The following CD82 variants were observed in gnomAD, a reference collection of about 807,000 sequenced individuals.
The protein encoded by CD82 is CD82 molecule.
A neutral mutation model predicts 37.4 loss-of-function variants in CD82; 36 were observed. The ratio of observed to expected loss-of-function variants is 0.96; its 90% CI spans 0.74 to 1.27. The LOEUF (loss-of-function observed/expected upper bound fraction) is 1.27. Ranked by LOEUF, CD82 falls within the 50% of genes most tolerant of loss-of-function variation. The probability of loss-of-function intolerance (pLI) is 0.00; values close to 1 mark genes in which losing one functional copy is unlikely to be tolerated. For missense variants in CD82, 340 were observed against 347.0 expected (o/e 0.98, Z 0.16); for synonymous variants, 158 against 137.4 (o/e 1.15, Z -1.05).
intron 8 of CD82, 88 bp downstream of exon 8, chr11:44,618,453 A>C (rs1388552149): frequency 4.9e-6 from 6 of 1,227,640 alleles, no homozygotes; most frequent in Non-Finnish European, 3.5e-6. Flanking sequence ...TCCTGCATTT[A>C]GTTCCTTCCC....
intron 1 of CD82, among the ~76,000 whole-genome samples, chr11:44,573,974 T>C (rs766513385): frequency 2.1e-4 from 32 of 152,192 alleles, no homozygotes; most frequent in Non-Finnish European, 4.3e-4. Flanking sequence ...GTGGTGATGA[T>C]GAGCAAAGGC....
intron 1 of CD82, among the ~76,000 whole-genome samples, chr11:44,572,418 CAT>C (rs1852826934): frequency 6.6e-6 from 1 of 152,336 alleles, no homozygotes; most frequent in East Asian, 1.9e-4. Flanking sequence ...CTATAAAAAA[CAT>C]ACCACACATA....
intron 6 of CD82, among the ~76,000 whole-genome samples, chr11:44,612,030 C>T (rs1002113652): frequency 6.6e-6 from 1 of 152,194 alleles, no homozygotes; most frequent in Non-Finnish European, 1.5e-5. Context: ...CAGCTTTCCG[C>T]ACAGATGCTT....
At chr11:44,586,669 T>C (rs1853059771) in intron 1 of CD82, among the ~76,000 whole-genome samples, 1 of 152,054 alleles carries the variant, frequency 6.6e-6, no homozygotes, top group African/African-American at 2.4e-5. Context: ...TCAACAAATA[T>C]ATACATTTTA....
Position 44,605,160 on chromosome 11 carries a change from A to C in CD82, c.239A>C (p.Glu80Ala). The C allele has an allele frequency of 6.2e-7, 1 of 1,614,098 alleles. No individual in the cohort carries two copies. The highest frequency in any genetic ancestry group is 8.5e-7 in the Non-Finnish European group (1 of 1,180,014). Residue 80 changes from glutamate (E) to alanine (A), a missense_variant, in exon 5 of 10, where the codon GAG (glutamate) becomes GCG (alanine). Glu to Ala is a moderately radical substitution (Grantham distance 107). Coordinates refer to ENST00000227155, the MANE Select transcript of CD82 (RefSeq NM_002231.4). ...GFLGCIGAVN[E>A]VRCLLGLYFA... ...CTGGGCTGCATCGGCGCCGTCAACG[A>C]GGTCCGCTGCCTGCTGGGGCTGGTG... is the stretch of plus-strand genomic sequence containing the variant.
chr11:44,610,611 C>T lies in CD82; in HGVS notation c.337-4661C>T, dbSNP rs375666694. Among the ~76,000 whole-genome samples the T allele has an allele frequency of 5.0e-3, 754 of 151,720 alleles. 4 individuals carry two copies. Among genetic ancestry groups the T allele is most frequent in the African/African-American group, 0.017 (693 of 41,352 alleles). On this transcript the variant is annotated intron_variant, in intron 6 of 9. Coordinates refer to ENST00000227155, the MANE Select transcript of CD82 (RefSeq NM_002231.4). The stretch of plus-strand genomic sequence containing the variant: ...CATGGGGAGGCCCTGGGCAGCTTGC[C>T]GAGGCTAAGATCCCGGGTCCCTGGA...
At chr11:44,577,317 G>C (rs1439810550) in intron 1 of CD82, among the ~76,000 whole-genome samples, 1 of 152,166 alleles carries the variant, frequency 6.6e-6, no homozygotes, top group Non-Finnish European at 1.5e-5. Context: ...GGGCCCTGCA[G>C]TTTCACCTGA....
At chr11:44,588,955 A>G (rs958112536) in intron 2 of CD82, among the ~76,000 whole-genome samples, 3 of 152,266 alleles carry the variant, frequency 2.0e-5, no homozygotes, top group Admixed American at 2.0e-4. Flanking sequence ...GGTGTCAAGT[A>G]TAACATAAGA....
At chr11:44,600,671 A>C (rs1853295023) in intron 4 of CD82, among the ~76,000 whole-genome samples, 2 of 152,220 alleles carry the variant, frequency 1.3e-5, no homozygotes, top group Admixed American at 1.3e-4. Flanking sequence ...GCCTGGCAGC[A>C]CCTACGTGGG....
chr11:44,605,437 CCTCT>C lies in CD82; in HGVS notation c.336+12_336+15del, dbSNP rs1410725363. 1 of 1,613,388 alleles carries C rather than the reference CCTCT, an allele frequency of 6.2e-7. No homozygotes were observed. The highest frequency in any genetic ancestry group is 8.5e-7 in the Non-Finnish European group (1 of 1,179,326). On this transcript the variant is annotated intron_variant, in intron 6 of 9. Transcript: ENST00000227155. ...TACTTCAACATGGGCAAGGTAAGCC[CCTCT>C]CTCCCTCCCTCTTCACTGGGCTGGA... is the stretch of plus-strand genomic sequence containing the variant.
intron 1 of CD82, among the ~76,000 whole-genome samples, chr11:44,570,698 C>T (rs1236927977): frequency 3.0e-5 from 4 of 135,126 alleles, no homozygotes; most frequent in Non-Finnish European, 3.2e-5. Context: ...AGAGCTTCTG[C>T]TTCTCTTCCG....
intron 3 of CD82, among the ~76,000 whole-genome samples, chr11:44,598,376 A>C (rs1590340897): frequency 7.6e-6 from 1 of 130,948 alleles, no homozygotes; most frequent in East Asian, 2.2e-4. Flanking sequence ...TTAATAGTTC[A>C]GTTATCATGG....
intron 1 of CD82, among the ~76,000 whole-genome samples, chr11:44,578,786 G>C (rs1182134932): frequency 6.6e-6 from 1 of 152,234 alleles, no homozygotes; most frequent in African/African-American, 2.4e-5. Context: ...TGGGGTCCCA[G>C]ATTTCCACCC....
At chr11:44,605,311 G>A (rs1338643139) in intron 5 of CD82, 44 bp from the exon 6 acceptor site, 7 of 1,612,632 alleles carry the variant, frequency 4.3e-6, no homozygotes, top group Admixed American at 3.3e-5. Context: ...GGTGCACCTG[G>A]TCGGGGACCC....
At chr11:44,575,975 G>A (rs1028501766) in intron 1 of CD82, among the ~76,000 whole-genome samples, 3 of 152,200 alleles carry the variant, frequency 2.0e-5, no homozygotes, top group African/African-American at 7.2e-5. Flanking sequence ...GGTCTGGTGC[G>A]GAAGCAGAGA....
intron 1 of CD82, among the ~76,000 whole-genome samples, chr11:44,576,801 T>A (rs1468598328): frequency 6.6e-6 from 1 of 152,170 alleles, no homozygotes; most frequent in Non-Finnish European, 1.5e-5. Flanking sequence ...CAGCACCCTG[T>A]GAAATAGGGC....
intron 1 of CD82, among the ~76,000 whole-genome samples, chr11:44,579,561 C>T (rs1037770104): frequency 6.6e-6 from 1 of 152,134 alleles, no homozygotes; most frequent in African/African-American, 2.4e-5. Context: ...CTCTCTCACT[C>T]CCCGCTCTGT....
intron 6 of CD82, among the ~76,000 whole-genome samples, chr11:44,613,564 T>C (rs957661172): frequency 6.6e-6 from 1 of 152,186 alleles, no homozygotes; most frequent in Admixed American, 6.5e-5. Flanking sequence ...GTCTCAGGCC[T>C]GTAATCCCAG....
intron 1 of CD82, among the ~76,000 whole-genome samples, chr11:44,569,016 C>T (rs1438747541): frequency 6.6e-6 from 1 of 152,210 alleles, no homozygotes; most frequent in African/African-American, 2.4e-5. Context: ...TAATCAAGAA[C>T]ATCAAACGGC....
Sources: allele counts gnomAD v4.1 joint callset (sites outside exome capture counted in the v4.1 genomes callset), GRCh38; gene constraint gnomAD v4.1.1; transcripts MANE v1.5; gene names NCBI Gene and HGNC (gene_info 2026-07-23, HGNC 2026-07-21).